Variants in RGS7 observed in about 807,000 individuals in gnomAD.
RGS7 encodes regulator of G protein signaling 7, also known as regulator of G-protein signaling 7.
In RGS7, 27 loss-of-function variants were observed where a neutral mutation model predicts 81.1. That is an observed-to-expected ratio of 0.33 (90% CI 0.25 to 0.46). RGS7 has a LOEUF of 0.46. Ranked by LOEUF, RGS7 falls within the 20% of genes least tolerant of loss-of-function variation. The pLI, the probability that RGS7 is intolerant of heterozygous loss-of-function variation, is 1.00. For synonymous variants in RGS7, 208 were observed against 207.7 expected (o/e 1.00, Z -0.01); for missense variants, 396 against 607.4 (o/e 0.65, Z 3.66).
chr1:241,336,464 A>G (rs2082252356), intron 2 of RGS7, among the ~76,000 whole-genome samples: 1 of 152,228 alleles, frequency 6.6e-6, no homozygotes, highest in Non-Finnish European at 1.5e-5. Flanking sequence ...AGGAATCCAG[A>G]CAGAAATATT....
At chr1:241,213,587 T>G (rs562743273) in intron 2 of RGS7, among the ~76,000 whole-genome samples, 3 of 152,122 alleles carry the variant, frequency 2.0e-5, no homozygotes, top group Non-Finnish European at 4.4e-5. Context: ...TCAGTTTACT[T>G]TGAATTAACA....
chr1:241,274,226 T>C (rs987275158), intron 2 of RGS7, among the ~76,000 whole-genome samples: 1 of 152,228 alleles, frequency 6.6e-6, no homozygotes, highest in Non-Finnish European at 1.5e-5. Flanking sequence ...ATCTTTGTCA[T>C]CTTTATATTT....
intron 2 of RGS7, among the ~76,000 whole-genome samples, chr1:241,208,267 C>G (rs2074036870): frequency 6.6e-6 from 1 of 152,004 alleles, no homozygotes; most frequent in Admixed American, 6.6e-5. Context: ...TGACATAATC[C>G]CAACCCCAAA....
chr1:241,203,246 AT>A (rs548139237), intron 2 of RGS7, among the ~76,000 whole-genome samples: 206 of 151,178 alleles, frequency 1.4e-3, no homozygotes, highest in Non-Finnish European at 2.1e-3. Context: ...TTTTATTTTT[AT>A]TTTTGAGATG....
intron 4 of RGS7, among the ~76,000 whole-genome samples, chr1:240,940,702 A>G (rs1364826012): frequency 5.3e-5 from 8 of 151,936 alleles, no homozygotes; most frequent in Admixed American, 5.2e-4. Flanking sequence ...AGTGTGACTA[A>G]AACCAAGCCA....
intron 14 of RGS7, among the ~76,000 whole-genome samples, chr1:240,809,275 A>G (rs940561985): frequency 6.6e-6 from 1 of 152,240 alleles, no homozygotes; most frequent in African/African-American, 2.4e-5. Flanking sequence ...ATAAGTAGTT[A>G]TCGAGAAACA....
At chr1:241,265,746 C>A (rs1241874490) in intron 2 of RGS7, among the ~76,000 whole-genome samples, 1 of 150,192 alleles carries the variant, frequency 6.7e-6, no homozygotes. Context: ...TATTAGCAGC[C>A]AAGTCACCCT....
At chr1:240,792,525 T>C (rs1305149537) in intron 18 of RGS7, among the ~76,000 whole-genome samples, 2 of 152,196 alleles carry the variant, frequency 1.3e-5, no homozygotes, top group Non-Finnish European at 2.9e-5. Context: ...ATTTGCCTTC[T>C]TCAGACCCTC....
In RGS7 at chr1:240,921,341, A is replaced by G. The variant is rs545132974; in HGVS notation, c.385+9376T>C. Among the ~76,000 whole-genome samples the G allele has an allele frequency of 5.5e-4, 83 of 150,260 alleles. 2 individuals are homozygous for G. The South Asian group carries it at 0.015, about 27-fold the overall frequency. On this transcript the variant is annotated intron_variant, in intron 6 of 18. Coordinates refer to ENST00000440928, the MANE Select transcript of RGS7 (RefSeq NM_001364886.1). ...TTTAATTCTCTTGAAGAAAAAAAAA[A>G]CTAGATGCTTTCCCACTAAAATAAG... is the stretch of plus-strand genomic sequence containing the variant.
In RGS7 at chr1:241,016,133, G is replaced by A. The variant is rs544512672; in HGVS notation, c.176-33004C>T. On this transcript the variant is annotated intron_variant, in intron 3 of 18. Coordinates refer to ENST00000440928, the MANE Select transcript of RGS7 (RefSeq NM_001364886.1). ...GGCAGAAATCCTGTGTGGGGTGTGA[G>A]GTACGATGGGATAACATGGATGTGA... Among the ~76,000 whole-genome samples, 12 of 152,308 alleles carry A rather than the reference G, an allele frequency of 7.9e-5. No individual in the cohort carries two copies. The South Asian group carries it at 2.1e-3, about 26-fold the overall frequency.
chr1:241,330,259 C>A (rs958145877), intron 2 of RGS7, among the ~76,000 whole-genome samples: 2 of 152,164 alleles, frequency 1.3e-5, no homozygotes, highest in African/African-American at 4.8e-5. Flanking sequence ...ATTGCTAACT[C>A]AAGTGAGGGC....
chr1:240,839,533 A>G (rs1695267363), intron 9 of RGS7, among the ~76,000 whole-genome samples: 1 of 152,210 alleles, frequency 6.6e-6, no homozygotes, highest in Non-Finnish European at 1.5e-5. Context: ...ATAGAAGCCA[A>G]TTAAAGGGGG....
At chr1:240,950,547 G>T (rs1679387555) in intron 4 of RGS7, among the ~76,000 whole-genome samples, 1 of 152,124 alleles carries the variant, frequency 6.6e-6, no homozygotes, top group South Asian at 2.1e-4. Flanking sequence ...GGAGACAGGG[G>T]ATCTATACTT....
intron 9 of RGS7, among the ~76,000 whole-genome samples, chr1:240,836,183 G>A (rs921999385): frequency 3.3e-5 from 5 of 152,064 alleles, no homozygotes; most frequent in African/African-American, 2.4e-5. Context: ...GCTGTGGGCC[G>A]GGGAGAGGTT....
chr1:241,043,213 A>G (rs1179836250), intron 3 of RGS7, among the ~76,000 whole-genome samples: 1 of 151,988 alleles, frequency 6.6e-6, no homozygotes, highest in African/African-American at 2.4e-5. Flanking sequence ...ATCTTTGAAT[A>G]TTTATTCATA....
chr1:241,259,667 A>AAAAAAATATATAT lies in RGS7; in HGVS notation c.78+96031_78+96032insATATATATTTTTT. Among the ~76,000 whole-genome samples, 167 of 49,096 alleles carry AAAAAAATATATAT rather than the reference A, an allele frequency of 3.4e-3. 7 individuals are homozygous for AAAAAAATATATAT. The highest frequency in any genetic ancestry group is 0.015 in the Middle Eastern group (1 of 68). 32.2% of individuals were successfully genotyped at this position (49,096 alleles called of 152,430 possible). A position where few individuals can be genotyped will look rare whatever the true frequency, so the allele number is the denominator to read the frequency against. ...CTCCGTCTCAAAAAAAAAAAAAAAA[A>AAAAAAATATATAT]ATATATATATATATATATAATTAAA... On this transcript the variant is annotated intron_variant, in intron 2 of 18. Transcript: ENST00000440928.
rs889659316 is a variant in RGS7, at chr1:241,144,629, C to T, written c.79-45867G>A. On this transcript the variant is annotated intron_variant, in intron 2 of 18. Coordinates refer to ENST00000440928, the MANE Select transcript of RGS7 (RefSeq NM_001364886.1). The surrounding 1 kb of genome is among the most constrained non-coding windows in gnomAD (Gnocchi z 4.7). ...TGGATGTGCTGTCCTGGGCCTGCTT[C>T]GATAAGTGCTGTTTATGTGGCTGTA... 2.7e-4 allele frequency among the ~76,000 whole-genome samples: 41 copies of T among 152,108 alleles called. No individual in the cohort carries two copies. Among genetic ancestry groups the T allele is most frequent in the African/African-American group, 6.5e-4 (27 of 41,400 alleles).
Position 241,144,442 on chromosome 1 carries a change from C to T in RGS7, c.79-45680G>A, listed in dbSNP as rs985563966. Among the ~76,000 whole-genome samples, 5 of 152,176 alleles carry T rather than the reference C, an allele frequency of 3.3e-5. No individual in the cohort carries two copies. The highest frequency in any genetic ancestry group is 7.2e-5 in the African/African-American group (3 of 41,430). ...AAACCTGATCCATTATTACTTACTG[C>T]GGTTCACGGAAGCAGCTTTGTAAAC... On this transcript the variant is annotated intron_variant, in intron 2 of 18. Coordinates refer to ENST00000440928, the MANE Select transcript of RGS7 (RefSeq NM_001364886.1). This position sits in a 1 kb window ranked among gnomAD's most constrained non-coding sequence, Gnocchi z 4.7.
At chr1:241,073,244 C>T (rs1414705408) in intron 3 of RGS7, among the ~76,000 whole-genome samples, 1 of 152,194 alleles carries the variant, frequency 6.6e-6, no homozygotes, top group South Asian at 2.1e-4. Flanking sequence ...TGGATTACCA[C>T]CTTTCGAACA....
Sources: gnomAD v4.1 joint callset for allele counts (sites outside exome capture counted in the v4.1 genomes callset) on GRCh38, gnomAD v4.1.1 for gene constraint, Gnocchi (gnomAD v3.1) non-coding constraint, MANE v1.5 for transcripts, NCBI Gene and HGNC (gene_info 2026-07-23, HGNC 2026-07-21) for gene names.